The following MYO1B variants were observed in gnomAD, a reference collection of about 807,000 sequenced individuals.
MYO1B encodes the protein unconventional myosin-Ib.
MYO1B carries 72 observed loss-of-function variants against 159.7 expected under a neutral mutation model. The observed-to-expected ratio is 0.45, with a 90% CI of 0.37 to 0.55. MYO1B has a LOEUF of 0.55. Among genes scored for constraint, MYO1B ranks in the 20% least tolerant of loss-of-function variants. The pLI is 0.00. For synonymous variants in MYO1B, 468 were observed against 473.8 expected (o/e 0.99, Z 0.16); for missense variants, 1,062 against 1,364.8 (o/e 0.78, Z 3.50).
intron 1 of MYO1B, among the ~76,000 whole-genome samples, chr2:191,255,786 C>CA: frequency 6.8e-6 from 1 of 147,510 alleles, no homozygotes; most frequent in South Asian, 2.2e-4. Context: ...CCCCTACCCC[C>CA]TCTGCATTTT....
chr2:191,269,171 C>T (rs900819769), intron 1 of MYO1B, among the ~76,000 whole-genome samples: 3 of 152,218 alleles, frequency 2.0e-5, no homozygotes, highest in Admixed American at 6.5e-5. Flanking sequence ...TTACTCTCTC[C>T]TCCCAGCCCC....
intron 2 of MYO1B, among the ~76,000 whole-genome samples, chr2:191,283,755 C>A (rs1470023059): frequency 6.6e-6 from 1 of 152,176 alleles, no homozygotes; most frequent in Non-Finnish European, 1.5e-5. Context: ...GCTGACTTTC[C>A]ATGGTTGCTG....
At chr2:191,311,140 A>T (rs7609085) in intron 3 of MYO1B, among the ~76,000 whole-genome samples, 10 of 152,276 alleles carry the variant, frequency 6.6e-5, no homozygotes, top group South Asian at 2.1e-4. Context: ...TTGTATCCTC[A>T]GTTACAGTAG....
At chr2:191,413,243 A>C (rs907206045) in intron 27 of MYO1B, among the ~76,000 whole-genome samples, 1 of 152,234 alleles carries the variant, frequency 6.6e-6, no homozygotes, top group African/African-American at 2.4e-5. Flanking sequence ...CACCTAACCT[A>C]CTGAACACAA....
At chr2:191,414,273 C>T (rs1697427249) in intron 28 of MYO1B, 93 bp downstream of exon 28, 1 of 1,463,574 alleles carries the variant, frequency 6.8e-7, no homozygotes, top group East Asian at 2.3e-5. Context: ...ATTTCATGTT[C>T]TCAGTAGAGT....
At chr2:191,270,037 G>T (rs1687364806) in intron 1 of MYO1B, among the ~76,000 whole-genome samples, 1 of 152,132 alleles carries the variant, frequency 6.6e-6, no homozygotes, top group Non-Finnish European at 1.5e-5. Context: ...TTGCTAATTT[G>T]GGGTAAAGGA....
intron 1 of MYO1B, among the ~76,000 whole-genome samples, chr2:191,250,326 C>G (rs6749232): frequency 0.46 from 69,713 of 152,022 alleles, 19,441 homozygotes; most frequent in African/African-American, 0.79. Context: ...GATGTGAAAG[C>G]GTTCAGGTTC....
At chr2:191,400,651 T>G in intron 22 of MYO1B, 98 bp from the exon 23 acceptor site, 1 of 1,413,066 alleles carries the variant, frequency 7.1e-7, no homozygotes, top group Non-Finnish European at 9.8e-7. Context: ...TACCATTTGG[T>G]GGTGACTAGT....
intron 15 of MYO1B, among the ~76,000 whole-genome samples, chr2:191,385,000 G>A (rs189367368): frequency 2.5e-4 from 38 of 152,314 alleles, no homozygotes; most frequent in African/African-American, 8.9e-4. Context: ...AGGATGTCGT[G>A]GCCTTGTTAG....
intron 1 of MYO1B, chr2:191,263,293 C>T (rs1686935207): frequency 1.0e-6 from 1 of 983,428 alleles, no homozygotes; most frequent in Non-Finnish European, 1.2e-6. Context: ...AGTGTGTTCT[C>T]CCTGTCACAA....
At chr2:191,282,414 C>A (rs976920820) in intron 2 of MYO1B, among the ~76,000 whole-genome samples, 1 of 152,180 alleles carries the variant, frequency 6.6e-6, no homozygotes, top group Non-Finnish European at 1.5e-5. Flanking sequence ...GGAGTTCAGA[C>A]AACCACCTGA....
At chr2:191,340,994 G>T (rs1692186290) in intron 4 of MYO1B, among the ~76,000 whole-genome samples, 1 of 152,146 alleles carries the variant, frequency 6.6e-6, no homozygotes, top group Non-Finnish European at 1.5e-5. Context: ...AAGTTGCTGG[G>T]ATTACAGGCG....
In MYO1B at chr2:191,387,222, A is replaced by G; in HGVS notation, c.1555-2A>G. The G allele has an allele frequency of 6.2e-7, 1 of 1,612,626 alleles. No individual in the cohort carries two copies. The highest frequency in any genetic ancestry group is 8.5e-7 in the Non-Finnish European group (1 of 1,178,872). On this transcript the variant is annotated splice_acceptor_variant, in intron 16 of 30. Coordinates refer to ENST00000392318, the MANE Select transcript of MYO1B (RefSeq NM_001130158.3). LOFTEE classifies it high-confidence loss of function. ...TCATTGAGTTACATGTGCTGCTTAT[A>G]GGTGCTGTACCAGGTGGAAGGATTC... is the stretch of plus-strand genomic sequence containing the variant.
chr2:191,405,455 CT>C (rs1450942949), intron 24 of MYO1B, among the ~76,000 whole-genome samples: 1 of 152,214 alleles, frequency 6.6e-6, no homozygotes, highest in African/African-American at 2.4e-5. Flanking sequence ...ACTGATGACT[CT>C]TTTCTGGAAA....
intron 24 of MYO1B, among the ~76,000 whole-genome samples, chr2:191,404,026 A>G (rs2126143825): frequency 6.6e-6 from 1 of 152,334 alleles, no homozygotes; most frequent in Admixed American, 6.5e-5. Context: ...TCAGTCTCCA[A>G]CAAAACAGAG....
In MYO1B at chr2:191,329,953, A is replaced by G; in HGVS notation, c.270A>G (p.Glu90=). 1 of 1,611,534 alleles carries G rather than the reference A, an allele frequency of 6.2e-7. No individual in the cohort carries two copies. Among genetic ancestry groups the G allele is most frequent in the South Asian group, 1.1e-5 (1 of 90,708 alleles). ...LSPHIFALSD[E]AYRSLRDQDK... ...CCTGCAGCTTTGCCCTTTCGGATGA[A>G]GCATACAGATCCCTACGAGATCAAG... Residue 90 remains glutamate (E), a synonymous_variant, in exon 4 of 31, where the codon GAA becomes GAG. Coordinates refer to ENST00000392318, the MANE Select transcript of MYO1B (RefSeq NM_001130158.3).
At chr2:191,247,998 G>A (rs1475143709) in intron 1 of MYO1B, 2 of 985,324 alleles carry the variant, frequency 2.0e-6, no homozygotes, top group African/African-American at 3.5e-5. Context: ...TGGGGAAGAA[G>A]AGGGAGTGAG....
At chr2:191,394,883 C>A (rs537077926) in intron 20 of MYO1B, among the ~76,000 whole-genome samples, 2 of 151,968 alleles carry the variant, frequency 1.3e-5, no homozygotes, top group African/African-American at 2.4e-5. Flanking sequence ...AATAATAGCC[C>A]CAGTTTTAGA....
chr2:191,295,259 T>C (rs562087056), intron 2 of MYO1B, among the ~76,000 whole-genome samples: 93 of 152,252 alleles, frequency 6.1e-4, no homozygotes, highest in African/African-American at 2.2e-3. Flanking sequence ...CTTGTGGCAT[T>C]GTCCTTGGCA....
Sources: gnomAD v4.1 joint callset for allele counts (sites outside exome capture counted in the v4.1 genomes callset) on GRCh38, gnomAD v4.1.1 for gene constraint, MANE v1.5 for transcripts, NCBI Gene and HGNC (gene_info 2026-07-23, HGNC 2026-07-21) for gene names.